Variants in ENPP1 observed in about 807,000 individuals in gnomAD.
ENPP1 encodes the protein ectonucleotide pyrophosphatase/phosphodiesterase family member 1.
Under a neutral mutation model 122.8 loss-of-function variants are expected in ENPP1, and 73 were observed. That is an observed-to-expected ratio of 0.59 (90% CI 0.49 to 0.72). The LOEUF is 0.72. Among genes scored for constraint, ENPP1 ranks in the 30% least tolerant of loss-of-function variants. The pLI is 0.00. For synonymous variants in ENPP1, 367 were observed against 391.6 expected, an observed-to-expected ratio of 0.94 and a Z score of 0.74; for missense variants, 978 against 1,128.1, an observed-to-expected ratio of 0.87 and a Z score of 1.91.
chr6:131,868,019 T>C lies in ENPP1; in HGVS notation c.1166T>C (p.Val389Ala). The change falls in exon 12 of 25, where the codon GTC becomes GCC. Residue 389 changes from valine to alanine, a missense_variant and splice_region_variant. Physicochemically the swap from Val to Ala is moderately conservative, Grantham distance 64. Coordinates refer to ENST00000647893, the MANE Select transcript of ENPP1 (RefSeq NM_006208.3). ...GAGGTTGTTGCTTCCCATTCTTAGG[T>C]CATCAAAGCCTTGCAGAGGGTTGAT... ...GHSYGPVSSE[V>A]IKALQRVDGM... is the part of the protein sequence containing the mutation. The C allele has an allele frequency of 1.2e-6, 2 of 1,608,584 alleles. No homozygotes were observed. Among genetic ancestry groups the C allele is most frequent in the Non-Finnish European group, 1.7e-6 (2 of 1,175,222 alleles).
chr6:131,838,275 A>G (rs903230501), intron 1 of ENPP1, among the ~76,000 whole-genome samples: 1 of 152,310 alleles, frequency 6.6e-6, no homozygotes. Flanking sequence ...TCACTGTGCC[A>G]AAAGAAAATA....
intron 19 of ENPP1, among the ~76,000 whole-genome samples, 168 bp from the exon 20 acceptor site, chr6:131,879,712 T>C (rs1782276544): frequency 1.3e-5 from 2 of 152,348 alleles, no homozygotes; most frequent in Non-Finnish European, 2.9e-5. Context: ...TGAACCTCAC[T>C]TGTCTTCTTA....
intron 17 of ENPP1, among the ~76,000 whole-genome samples, chr6:131,876,279 A>C (rs2114719164): frequency 6.6e-6 from 1 of 152,328 alleles, no homozygotes; most frequent in East Asian, 1.9e-4. Context: ...AGGTTGCAGA[A>C]ATGAAGGAGG....
chr6:131,857,982 G>A (rs990808600), intron 6 of ENPP1, among the ~76,000 whole-genome samples: 3 of 152,276 alleles, frequency 2.0e-5, no homozygotes, highest in Admixed American at 6.5e-5. Context: ...AATGTAGCCT[G>A]TAATTCTGAA....
At chr6:131,837,740 C>G (rs1043761081) in intron 1 of ENPP1, among the ~76,000 whole-genome samples, 5 of 151,980 alleles carry the variant, frequency 3.3e-5, no homozygotes, top group Admixed American at 1.3e-4. Flanking sequence ...CCATAATTGC[C>G]AAGCTGACAT....
chr6:131,832,484 G>C (rs1416100648), intron 1 of ENPP1, among the ~76,000 whole-genome samples: 1 of 152,218 alleles, frequency 6.6e-6, no homozygotes, highest in Admixed American at 6.5e-5. Context: ...TCTGGGAGAA[G>C]GAGAAAGGCA....
rs1042863789 is a variant in ENPP1, at chr6:131,886,617, G to A, written c.2500G>A (p.Val834Met). ...EILIPTHFFI[V>M]LTSCKDTSQT... is the part of the protein sequence containing the mutation. The stretch of plus-strand genomic sequence containing the variant: ...TTTGATTCCAACTCACTTCTTTATT[G>A]TGCTAACAAGCTGTAAAGATACATC... The change falls in exon 24 of 25, where the codon GTG becomes ATG. Residue 834 changes from valine (V) to methionine (M), a missense_variant. Around this residue, in one of 3 missense-constraint regions of ENPP1, gnomAD observed 644 missense variants for 781.5 expected, o/e 0.82. Transcript: ENST00000647893. The A allele has an allele frequency of 8.7e-6, 14 of 1,613,778 alleles. 1 individual carries two copies. The African/African-American group carries it at 9.3e-5, about 11-fold the overall frequency.
At chr6:131,845,043 G>GCT (rs1781789396) in intron 1 of ENPP1, among the ~76,000 whole-genome samples, 4 of 84,984 alleles carry the variant, frequency 4.7e-5, no homozygotes, top group South Asian at 7.8e-4. Flanking sequence ...ATTCTTCATG[G>GCT]TTTTTTTTTT....
intron 1 of ENPP1, among the ~76,000 whole-genome samples, chr6:131,846,224 A>T (rs1781809294): frequency 6.6e-6 from 1 of 151,706 alleles, no homozygotes; most frequent in Non-Finnish European, 1.5e-5. Context: ...GGTCCTATTC[A>T]CCCATTCCTC....
chr6:131,857,915 A>C (rs1315798686), intron 6 of ENPP1, among the ~76,000 whole-genome samples: 2 of 152,212 alleles, frequency 1.3e-5, no homozygotes, highest in African/African-American at 4.8e-5. Context: ...CCTGTATATG[A>C]AGTTTAAAAT....
At chr6:131,855,076 C>G (rs1430204038) in intron 6 of ENPP1, 53 bp downstream of exon 6, 3 of 1,251,382 alleles carry the variant, frequency 2.4e-6, no homozygotes, top group East Asian at 4.6e-5. Context: ...GTGAGATTGA[C>G]TAGGCAGGCA....
At chr6:131,882,984 T>C (rs1782332005) in intron 21 of ENPP1, among the ~76,000 whole-genome samples, 1 of 152,106 alleles carries the variant, frequency 6.6e-6, no homozygotes, top group African/African-American at 2.4e-5. Context: ...GTCAGAGAAG[T>C]AGGTAAAGGT....
chr6:131,855,895 A>G (rs565394361), intron 6 of ENPP1, among the ~76,000 whole-genome samples: 8 of 152,228 alleles, frequency 5.3e-5, no homozygotes, highest in South Asian at 2.1e-4. Flanking sequence ...AGCAGCTACA[A>G]TGTAATACTG....
Position 131,890,541 on chromosome 6 carries a change from C to G in ENPP1, c.*30C>G, listed in dbSNP as rs1782455654. 2 of 1,569,908 alleles carry G rather than the reference C, an allele frequency of 1.3e-6. No homozygotes were observed. The highest frequency in any genetic ancestry group is 2.7e-5 in the African/African-American group (2 of 74,054). On this transcript the variant is annotated 3_prime_UTR_variant, in exon 25 of 25. Coordinates refer to ENST00000647893, the MANE Select transcript of ENPP1 (RefSeq NM_006208.3). ...TTTTTTATCCCCAAACACCATGAAT[C>G]TTTTTGAGAGAACCTTATATTTTAT...
chr6:131,815,560 A>G (rs1390783238), intron 1 of ENPP1, among the ~76,000 whole-genome samples: 1 of 152,160 alleles, frequency 6.6e-6, no homozygotes, highest in Non-Finnish European at 1.5e-5. Flanking sequence ...CAGTTTTGTC[A>G]TCTCCTGCCC....
chr6:131,867,948 A>C, intron 11 of ENPP1, 70 bp from the exon 12 acceptor site: 1 of 963,264 alleles, frequency 1.0e-6, no homozygotes, highest in South Asian at 1.3e-5. Flanking sequence ...TTTTTAACAG[A>C]GATAGCTTTA....
chr6:131,885,207 T>C (rs932642985), intron 23 of ENPP1, 144 bp downstream of exon 23: 1 of 726,566 alleles, frequency 1.4e-6, no homozygotes, highest in Non-Finnish European at 2.3e-6. Flanking sequence ...AGGAAGCCTC[T>C]TGAAATATCT....
chr6:131,824,696 C>G (rs1781523917), intron 1 of ENPP1, among the ~76,000 whole-genome samples: 1 of 152,030 alleles, frequency 6.6e-6, no homozygotes, highest in Non-Finnish European at 1.5e-5. Context: ...CCTCATGATT[C>G]ACCCACCTCG....
At chr6:131,860,970 A>T (rs939700335) in intron 8 of ENPP1, among the ~76,000 whole-genome samples, 1 of 151,858 alleles carries the variant, frequency 6.6e-6, no homozygotes, top group Non-Finnish European at 1.5e-5. Flanking sequence ...GCCACAATTT[A>T]AAAAAATTTT....
Sources: gnomAD v4.1 joint callset for allele counts (sites outside exome capture counted in the v4.1 genomes callset) on GRCh38, gnomAD v4.1.1 for gene constraint, gnomAD v4.1.1 regional missense constraint, MANE v1.5 for transcripts, NCBI Gene and HGNC (gene_info 2026-07-23, HGNC 2026-07-21) for gene names.